Variants in RCOR1 observed in about 807,000 individuals in gnomAD.
RCOR1 encodes the protein REST corepressor.
A neutral mutation model predicts 64.0 loss-of-function variants in RCOR1; 12 were observed. That is an observed-to-expected ratio of 0.19 (90% CI 0.12 to 0.30). The LOEUF (loss-of-function observed/expected upper bound fraction) is 0.30, where lower values mean the gene tolerates loss of function less well. RCOR1 is among the 10% of genes least tolerant of loss of function. RCOR1 has a pLI of 1.00. For synonymous variants in RCOR1, 279 were observed against 227.2 expected, an observed-to-expected ratio of 1.23 and a Z score of -2.05; for missense variants, 502 against 621.2, an observed-to-expected ratio of 0.81 and a Z score of 2.04.
rs1160437928 is a variant in RCOR1 at position 102,653,983 on chromosome 14, CTTTTTTTT to C, written c.362-27899_362-27892del. On this transcript the variant is annotated intron_variant, in intron 2 of 11. Coordinates refer to ENST00000262241, the MANE Select transcript of RCOR1 (RefSeq NM_015156.4). ...TCTTTCTTTCTTTCTTTCTTTCTTT[CTTTTTTTT>C]TTTTTTTTTTTTGAGACGGAGTCTG... Among the ~76,000 whole-genome samples the C allele has an allele frequency of 3.9e-4, 13 of 33,176 alleles. No homozygotes were observed. The South Asian group carries it at 0.012, about 30-fold the overall frequency. 21.8% of individuals were successfully genotyped at this position (33,176 alleles called of 152,430 possible).
chr14:102,667,129 G>A (rs759093423), intron 2 of RCOR1, among the ~76,000 whole-genome samples: 6 of 152,124 alleles, frequency 3.9e-5, no homozygotes, highest in Admixed American at 1.3e-4. Flanking sequence ...GAGCCCAGGA[G>A]TTTGAGGCTG....
intron 2 of RCOR1, among the ~76,000 whole-genome samples, chr14:102,617,587 CTT>C (rs71119722): frequency 0.2 from 23,691 of 118,194 alleles, 2,556 homozygotes; most frequent in African/African-American, 0.34. Context: ...CTGTCTCTTT[CTT>C]TTTTTTTTTT....
Position 102,714,403 on chromosome 14 carries a change from C to T in RCOR1, c.859-20C>T, listed in dbSNP as rs1896022829. 22 of 1,505,058 alleles carry T rather than the reference C, an allele frequency of 1.5e-5. No individual in the cohort carries two copies. Among genetic ancestry groups the T allele is most frequent in the Non-Finnish European group, 2.0e-5 (22 of 1,112,778 alleles). 93.2% of individuals were successfully genotyped at this position (1,505,058 alleles called of 1,614,324 possible). A position where few individuals can be genotyped will look rare whatever the true frequency, so the allele number is the denominator to read the frequency against. On this transcript the variant is annotated intron_variant, in intron 7 of 11. Coordinates refer to ENST00000262241, the MANE Select transcript of RCOR1 (RefSeq NM_015156.4). Reference sequence around the variant, plus strand: ...TTGACTTTTTTTAAGTTTCATTCATCACCTGTGTATATCATGCAGGTTCCC... The same window carrying T: ...TTGACTTTTTTTAAGTTTCATTCATTACCTGTGTATATCATGCAGGTTCCC...
intron 2 of RCOR1, among the ~76,000 whole-genome samples, chr14:102,680,983 A>AT (rs1273399336): frequency 6.6e-6 from 1 of 152,114 alleles, no homozygotes; most frequent in Non-Finnish European, 1.5e-5. Flanking sequence ...TGCCTCTCAG[A>AT]TTTTACTAAA....
rs780303307 is a variant in RCOR1, at chr14:102,592,875, C to T, written c.-12C>T. 2 of 1,218,712 alleles carry T rather than the reference C, an allele frequency of 1.6e-6. No homozygotes were observed. The highest frequency in any genetic ancestry group is 2.0e-6 in the Non-Finnish European group (2 of 978,178). 75.5% of individuals were successfully genotyped at this position (1,218,712 alleles called of 1,614,324 possible). A position where few individuals can be genotyped will look rare whatever the true frequency, so the allele number is the denominator to read the frequency against. On this transcript the variant is annotated 5_prime_UTR_variant, in exon 1 of 12. Transcript: ENST00000262241. ...GGTCCCCGCCACTTTCGCACGGCCC[C>T]GGCCCCCGCCGATGCCGGCCATGGT...
At chr14:102,608,842 G>A (rs943409350) in intron 2 of RCOR1, among the ~76,000 whole-genome samples, 6 of 150,874 alleles carry the variant, frequency 4.0e-5, no homozygotes, top group African/African-American at 1.5e-4. Context: ...TGAGCTTATA[G>A]GCATGAGCCA....
In RCOR1 at chr14:102,729,004, G is replaced by A. The variant is rs1305545398; in HGVS notation, c.*2498G>A. 1 of 152,632 alleles carries A rather than the reference G, an allele frequency of 6.6e-6. No homozygotes were observed. The highest frequency in any genetic ancestry group is 1.5e-5 in the Non-Finnish European group (1 of 68,038). 9.5% of individuals were successfully genotyped at this position (152,632 alleles called of 1,614,324 possible). A position where few individuals can be genotyped will look rare whatever the true frequency, so the allele number is the denominator to read the frequency against. On this transcript the variant is annotated 3_prime_UTR_variant, in exon 12 of 12. Coordinates refer to ENST00000262241, the MANE Select transcript of RCOR1 (RefSeq NM_015156.4). ...GACTTTTTAACATATCAAGAATTAGGTGCATTGGCAGGTAGGGTTTGGGGT... is the reference window on the plus strand; with the variant it reads ...GACTTTTTAACATATCAAGAATTAGATGCATTGGCAGGTAGGGTTTGGGGT...
intron 2 of RCOR1, chr14:102,662,491 G>A (rs1012172690): frequency 3.8e-6 from 2 of 529,566 alleles, no homozygotes; most frequent in South Asian, 1.4e-5. Context: ...TGATAATATG[G>A]TGGTCAAGCT....
intron 2 of RCOR1, among the ~76,000 whole-genome samples, chr14:102,609,590 C>G (rs1893584734): frequency 6.6e-6 from 1 of 151,846 alleles, no homozygotes; most frequent in Non-Finnish European, 1.5e-5. Context: ...TAAGCATGTA[C>G]CACCAAGTGT....
intron 2 of RCOR1, chr14:102,655,184 CAAAATTAA>C (rs1243183630): frequency 1.3e-6 from 1 of 773,426 alleles, no homozygotes; most frequent in African/African-American, 2.2e-5. Context: ...GCATATGGTA[CAAAATTAA>C]AAGATGCAAA....
intron 2 of RCOR1, among the ~76,000 whole-genome samples, chr14:102,678,141 G>C (rs1895229820): frequency 6.6e-6 from 1 of 151,958 alleles, no homozygotes; most frequent in South Asian, 2.1e-4. Flanking sequence ...GCAGTGAGCC[G>C]AGATGGCAGC....
chr14:102,598,584 A>G (rs190436049), intron 2 of RCOR1, among the ~76,000 whole-genome samples: 7,050 of 150,220 alleles, frequency 0.047, 261 homozygotes, highest in Non-Finnish European at 0.073. Context: ...AGTAGCTGGG[A>G]CTACAGGCGC....
chr14:102,656,069 T>G, intron 2 of RCOR1: 1 of 985,428 alleles, frequency 1.0e-6, no homozygotes, highest in Non-Finnish European at 1.2e-6. Flanking sequence ...TGTTTCTTGA[T>G]GTACCCATTT....
chr14:102,701,657 A>G (rs893500444), intron 4 of RCOR1, among the ~76,000 whole-genome samples: 30 of 152,222 alleles, frequency 2.0e-4, no homozygotes, highest in African/African-American at 6.8e-4. Context: ...TTCTGGTTGT[A>G]TCATGATGTT....
rs756291806 is a variant in RCOR1, at chr14:102,726,551, C to T, written c.*45C>T. On this transcript the variant is annotated 3_prime_UTR_variant, in exon 12 of 12. Transcript: ENST00000262241. ...ACTTGGTGTGGACTACTGTGTTATC[C>T]GGGATATCAGGTATTATGAGACATC... 1.3e-5 allele frequency: 19 copies of T among 1,514,172 alleles called. 1 individual carries two copies. In the Middle Eastern group the frequency reaches 5.1e-4, roughly 41 times the overall value. The allele number at this position is 1,514,172 out of a possible 1,614,324, so 93.8% of individuals were successfully genotyped here. A position where few individuals can be genotyped will look rare whatever the true frequency, so the allele number is the denominator to read the frequency against.
At chr14:102,662,408 T>C (rs35483924) in intron 2 of RCOR1, 19,259 of 562,298 alleles carry the variant, frequency 0.034, 429 homozygotes, top group Non-Finnish European at 0.043. Flanking sequence ...GGCTTTAACA[T>C]CTACAATGAA....
chr14:102,695,984 T>C (rs1181358234), intron 3 of RCOR1, among the ~76,000 whole-genome samples: 1 of 152,110 alleles, frequency 6.6e-6, no homozygotes, highest in Non-Finnish European at 1.5e-5. Context: ...AAAAAAAGAT[T>C]GTAAAGAGCT....
At chr14:102,694,545 G>A (rs940943411) in intron 3 of RCOR1, among the ~76,000 whole-genome samples, 1 of 152,208 alleles carries the variant, frequency 6.6e-6, no homozygotes, top group African/African-American at 2.4e-5. Flanking sequence ...AAAGTGCTAG[G>A]ATTACAGGCG....
At chr14:102,686,496 G>T (rs1895422894) in intron 3 of RCOR1, among the ~76,000 whole-genome samples, 1 of 152,190 alleles carries the variant, frequency 6.6e-6, no homozygotes, top group Non-Finnish European at 1.5e-5. Flanking sequence ...CTCTTGTGTT[G>T]TATGTTCTGT....
Sources: gnomAD v4.1 joint callset for allele counts (sites outside exome capture counted in the v4.1 genomes callset) on GRCh38, gnomAD v4.1.1 for gene constraint, MANE v1.5 for transcripts, NCBI Gene and HGNC (gene_info 2026-07-23, HGNC 2026-07-21) for gene names.